The following ZNF568 variants were observed in gnomAD, a reference collection of about 807,000 sequenced individuals.
ZNF568 encodes the protein zinc finger protein 568, also known as p53 inhibitor of SCO2 activation.
In ZNF568, 11 loss-of-function variants were observed where a neutral mutation model predicts 18.1. The ratio of observed to expected loss-of-function variants is 0.61; its 90% CI spans 0.38 to 1.00. The LOEUF is 1.00. Among genes scored for constraint, ZNF568 ranks in the 50% least tolerant of loss-of-function variants. ZNF568 has a pLI of 0.01. For synonymous variants in ZNF568, 213 were observed against 246.6 expected (o/e 0.86, Z 1.28); for missense variants, 639 against 768.2 (o/e 0.83, Z 1.99).
chr19:36,987,370 C>T (rs2074384819), intron 2 of ZNF568, among the ~76,000 whole-genome samples: 2 of 152,146 alleles, frequency 1.3e-5, no homozygotes, highest in Admixed American at 6.5e-5. Flanking sequence ...GCTGGTCATT[C>T]TGGAGAGTCT....
chr19:36,963,414 C>A (rs1057161664), intron 6 of ZNF568, among the ~76,000 whole-genome samples: 1 of 152,134 alleles, frequency 6.6e-6, no homozygotes, highest in Non-Finnish European at 1.5e-5. Flanking sequence ...AGTGCCAGAA[C>A]AAATGGCAAA....
At chr19:36,996,691 C>A in exon 5 of ZNF568, 1 of 1,535,934 alleles carries the variant, frequency 6.5e-7, no homozygotes, top group Non-Finnish European at 8.7e-7. Flanking sequence ...GCATCAGACG[C>A]TTCATGAAAG....
chr19:36,945,235 G>GTGTA (rs1228455075), intron 6 of ZNF568, among the ~76,000 whole-genome samples: 12 of 151,154 alleles, frequency 7.9e-5, no homozygotes, highest in Non-Finnish European at 1.8e-4. Flanking sequence ...GTGTGTGTGT[G>GTGTA]TGTGTGTGTG....
downstream of ZNF568, among the ~76,000 whole-genome samples, chr19:36,956,108 G>A (rs4805191): frequency 0.22 from 33,025 of 152,108 alleles, 3,569 homozygotes; most frequent in South Asian, 0.29. Context: ...GGGTGTGATC[G>A]CAGGCACAGT....
chr19:36,996,769 A>G, exon 5 of ZNF568: 30 of 1,548,334 alleles, frequency 1.9e-5, no homozygotes, highest in Non-Finnish European at 2.6e-5. Flanking sequence ...ACCTCAGAGC[A>G]TTAATACTGG....
intron 6 of ZNF568, among the ~76,000 whole-genome samples, chr19:36,971,264 G>GTT (rs35463773): frequency 8.5e-4 from 125 of 146,634 alleles, no homozygotes; most frequent in East Asian, 5.1e-3. Context: ...AACTCTTTAT[G>GTT]TTTTTTTTTT....
chr19:36,962,283 T>TTA (rs1555736285), intron 6 of ZNF568, among the ~76,000 whole-genome samples: 1 of 142,044 alleles, frequency 7.0e-6, no homozygotes, highest in Non-Finnish European at 1.5e-5. Flanking sequence ...CAGTGTTTTT[T>TTA]TTTTTTTTTT....
chr19:36,991,319 C>T (rs776081343), intron 3 of ZNF568: 14 of 1,522,404 alleles, frequency 9.2e-6, no homozygotes, highest in Admixed American at 4.1e-5. Flanking sequence ...TCTGCCCCTC[C>T]GTACACCCCC....
At chr19:36,997,409 C>G (rs754725006), downstream of ZNF568, 2 of 1,587,670 alleles carry the variant, frequency 1.3e-6, no homozygotes, top group Middle Eastern at 1.7e-4. Flanking sequence ...AAGGCCTTTA[C>G]TTGTAGCACA....
At chr19:36,976,779 G>A (rs367576779) in intron 7 of ZNF568, among the ~76,000 whole-genome samples, 5 of 152,172 alleles carry the variant, frequency 3.3e-5, no homozygotes, top group African/African-American at 9.6e-5. Context: ...ATGTGGTGGC[G>A]CATGCCTGTA....
chr19:36,986,791 C>T (rs2074380360), intron 2 of ZNF568, among the ~76,000 whole-genome samples: 1 of 152,140 alleles, frequency 6.6e-6, no homozygotes, highest in East Asian at 1.9e-4. Context: ...TTCCCTTCCG[C>T]CTTTGATCTC....
intron 4 of ZNF568, among the ~76,000 whole-genome samples, chr19:36,928,557 C>T (rs1447266693): frequency 2.0e-5 from 3 of 151,908 alleles, no homozygotes; most frequent in Non-Finnish European, 4.4e-5. Context: ...TATGCCTAGA[C>T]ATAAGTAAGG....
intron 4 of ZNF568, among the ~76,000 whole-genome samples, chr19:36,927,897 ATATATATTTTTTTTTTTTTTTTTTTT>A (rs1568381584): frequency 1.2e-4 from 3 of 24,722 alleles, no homozygotes; most frequent in South Asian, 1.4e-3. Context: ...TTATATATAT[ATATATATTTTTTTTTTTTTTTTTTTT>A]TTTTTTTTGG....
intron 2 of ZNF568, among the ~76,000 whole-genome samples, chr19:36,988,461 A>G (rs1450377673): frequency 1.3e-5 from 2 of 152,188 alleles, no homozygotes; most frequent in African/African-American, 4.8e-5. Context: ...ATCCTGGTAG[A>G]AGGCAAAGGA....
At chr19:36,933,904 TTTTTTTGTTTTG>T (rs1322167721) in intron 4 of ZNF568, among the ~76,000 whole-genome samples, 1 of 100,822 alleles carries the variant, frequency 9.9e-6, no homozygotes, top group African/African-American at 5.2e-5. Flanking sequence ...GGTAGGTTTT[TTTTTTTGTTTTG>T]TTTTTTTGTT....
rs565321465 is a variant in ZNF568, at chr19:36,949,877, C to T, written c.724C>T (p.Arg242Ter). 75 of 1,613,816 alleles carry T rather than the reference C, an allele frequency of 4.6e-5. No individual in the cohort carries two copies. Among genetic ancestry groups the T allele is most frequent in the South Asian group, 2.0e-4 (18 of 91,052 alleles). ...TAAATTTGACCTCATTAGACATGAG[C>T]GAATTCATGCTGGAGAGAAACCTTA... The part of the protein sequence containing the change: ...SHKFDLIRHE[R>*]IHAGEKPYEC... Residue 242 changes from arginine to a stop codon, truncating the protein, a stop_gained, in exon 7 of 7, where the codon CGA (arginine) becomes TGA (stop). Coordinates refer to ENST00000333987, the MANE Select transcript of ZNF568 (RefSeq NM_198539.4). LOFTEE classifies it low-confidence loss of function (END_TRUNC).
downstream of ZNF568, chr19:36,952,745 GT>G: frequency 1.5e-6 from 1 of 684,678 alleles, no homozygotes; most frequent in Non-Finnish European, 1.8e-6. Context: ...CAATATGAAT[GT>G]TTACTTGTAA....
intron 7 of ZNF568, among the ~76,000 whole-genome samples, chr19:36,975,530 C>T (rs1238991739): frequency 3.3e-5 from 5 of 151,982 alleles, no homozygotes; most frequent in African/African-American, 1.2e-4. Flanking sequence ...GGACTACAGG[C>T]GCATGCCACC....
In ZNF568 at chr19:36,945,767, A is replaced by ATG. The variant is rs1389988741; in HGVS notation, c.359-3735_359-3734dup. Among the ~76,000 whole-genome samples the ATG allele has an allele frequency of 3.5e-4, 53 of 149,572 alleles. 1 individual carries two copies. In the South Asian group the frequency reaches 0.011, roughly 31 times the overall value. On this transcript the variant is annotated intron_variant, in intron 6 of 6. Coordinates refer to ENST00000333987, the MANE Select transcript of ZNF568 (RefSeq NM_198539.4). ...TGTGTGTGTGTGTGTGTGTGTATGT[A>ATG]TGTGTGTGTGTTTTTTTAAATAGTG...
Sources: gnomAD v4.1 joint callset for allele counts (sites outside exome capture counted in the v4.1 genomes callset) on GRCh38, gnomAD v4.1.1 for gene constraint, MANE v1.5 for transcripts, NCBI Gene and HGNC (gene_info 2026-07-23, HGNC 2026-07-21) for gene names.